The following VAT1L variants were observed in gnomAD, a reference collection of about 807,000 sequenced individuals.
VAT1L encodes the protein vesicle amine transport 1 like, also known as putative NADPH-dependent quinone oxidoreductase VAT1L.
A neutral mutation model predicts 44.1 loss-of-function variants in VAT1L; 34 were observed. That is an observed-to-expected ratio of 0.77 (90% CI 0.59 to 1.03). The LOEUF (loss-of-function observed/expected upper bound fraction) is 1.03, where lower values mean the gene tolerates loss of function less well. Ranked by LOEUF, VAT1L falls within the 50% of genes least tolerant of loss-of-function variation. The pLI, the probability that VAT1L is intolerant of heterozygous loss-of-function variation, is 0.00. For missense variants in VAT1L, 615 were observed against 538.8 expected (o/e 1.14, Z -1.40); for synonymous variants, 253 against 202.2 (o/e 1.25, Z -2.13).
At chr16:77,856,973 ATACT>A (rs1197850527) in intron 3 of VAT1L, among the ~76,000 whole-genome samples, 3 of 152,190 alleles carry the variant, frequency 2.0e-5, no homozygotes, top group African/African-American at 7.2e-5. Context: ...GAAGACACAA[ATACT>A]TACACTAAAG....
chr16:77,933,685 T>A (rs2017758556), intron 7 of VAT1L, among the ~76,000 whole-genome samples: 1 of 152,174 alleles, frequency 6.6e-6, no homozygotes, highest in African/African-American at 2.4e-5. Flanking sequence ...AGGAGAGGTC[T>A]TAAGCAGAGC....
intron 7 of VAT1L, among the ~76,000 whole-genome samples, chr16:77,936,153 C>G (rs1303980041): frequency 6.6e-6 from 1 of 152,144 alleles, no homozygotes; most frequent in Admixed American, 6.5e-5. Flanking sequence ...GGGGAAAGAC[C>G]TGGTAGGTAC....
intron 7 of VAT1L, among the ~76,000 whole-genome samples, chr16:77,891,781 A>T (rs2017267886): frequency 6.6e-6 from 1 of 152,102 alleles, no homozygotes; most frequent in African/African-American, 2.4e-5. Context: ...GTAACTTGAT[A>T]AAAAGATTAG....
intron 7 of VAT1L, among the ~76,000 whole-genome samples, chr16:77,942,756 T>C (rs1313824544): frequency 6.6e-6 from 1 of 152,066 alleles, no homozygotes; most frequent in Non-Finnish European, 1.5e-5. Flanking sequence ...TTTGTCTTTG[T>C]TTTTTTGAGA....
chr16:77,840,675 T>C (rs1416130732), intron 3 of VAT1L, among the ~76,000 whole-genome samples: 1 of 152,164 alleles, frequency 6.6e-6, no homozygotes, highest in African/African-American at 2.4e-5. Context: ...GTGATGAATA[T>C]GTTTACTCCC....
intron 7 of VAT1L, among the ~76,000 whole-genome samples, chr16:77,931,659 G>T (rs1397222175): frequency 6.6e-6 from 1 of 152,144 alleles, no homozygotes; most frequent in Non-Finnish European, 1.5e-5. Context: ...ATGGATTGTT[G>T]TACAGTGGAA....
intron 1 of VAT1L, among the ~76,000 whole-genome samples, chr16:77,793,813 T>C (rs952931055): frequency 1.1e-4 from 16 of 152,038 alleles, no homozygotes; most frequent in African/African-American, 3.6e-4. Flanking sequence ...AGCTACCAGA[T>C]TGGTGGAATT....
intron 7 of VAT1L, among the ~76,000 whole-genome samples, chr16:77,903,203 C>T (rs1041463589): frequency 2.6e-5 from 4 of 152,126 alleles, no homozygotes; most frequent in Non-Finnish European, 5.9e-5. Flanking sequence ...GGAGTTTTCT[C>T]ACCTGTAAAT....
chr16:77,840,541 T>C (rs2016693747), intron 3 of VAT1L, among the ~76,000 whole-genome samples: 1 of 152,228 alleles, frequency 6.6e-6, no homozygotes, highest in Non-Finnish European at 1.5e-5. Context: ...TTTTTTATTT[T>C]GTATCCATAA....
chr16:77,859,990 CTCA>C (rs1470638965), intron 3 of VAT1L, among the ~76,000 whole-genome samples: 1 of 152,098 alleles, frequency 6.6e-6, no homozygotes, highest in Non-Finnish European at 1.5e-5. Flanking sequence ...GGAGTGGGCC[CTCA>C]TCCAATATGG....
At chr16:77,878,988 G>C (rs913220843) in intron 5 of VAT1L, among the ~76,000 whole-genome samples, 181 bp from the exon 6 acceptor site, 8 of 152,212 alleles carry the variant, frequency 5.3e-5, no homozygotes, top group East Asian at 1.9e-4. Context: ...ATCAGGGACA[G>C]TCAGCTAACA....
chr16:77,932,307 G>T (rs537041370), intron 7 of VAT1L, among the ~76,000 whole-genome samples: 1 of 151,812 alleles, frequency 6.6e-6, no homozygotes, highest in Non-Finnish European at 1.5e-5. Flanking sequence ...GGGTTTCACC[G>T]TGTTAGCCAG....
chr16:77,812,554 C>A (rs754315548), intron 1 of VAT1L, among the ~76,000 whole-genome samples: 1 of 152,148 alleles, frequency 6.6e-6, no homozygotes, highest in African/African-American at 2.4e-5. Flanking sequence ...TTATCTGAGG[C>A]TCAATGTTCA....
intron 7 of VAT1L, among the ~76,000 whole-genome samples, chr16:77,937,565 G>C (rs886374056): frequency 6.6e-6 from 1 of 152,238 alleles, no homozygotes; most frequent in African/African-American, 2.4e-5. Flanking sequence ...ATAGTTAGAA[G>C]AGAAGTGATT....
chr16:77,925,253 C>T (rs1288151569), intron 7 of VAT1L, among the ~76,000 whole-genome samples: 2 of 152,086 alleles, frequency 1.3e-5, no homozygotes, highest in Admixed American at 6.5e-5. Flanking sequence ...TTAAATTTTA[C>T]ACCCCCTGGT....
chr16:77,976,894 G>C (rs2018346647), intron 8 of VAT1L, among the ~76,000 whole-genome samples: 2 of 152,144 alleles, frequency 1.3e-5, no homozygotes, highest in South Asian at 4.2e-4. Context: ...TATTCCAGTT[G>C]GGGGAAGAGA....
At chr16:77,977,124 T>G (rs1206566895) in intron 8 of VAT1L, among the ~76,000 whole-genome samples, 1 of 152,106 alleles carries the variant, frequency 6.6e-6, no homozygotes, top group Non-Finnish European at 1.5e-5. Context: ...AGAGCATGCT[T>G]GAGTTTTGCA....
intron 7 of VAT1L, among the ~76,000 whole-genome samples, chr16:77,899,055 T>C (rs1040207287): frequency 2.0e-4 from 31 of 152,204 alleles, no homozygotes; most frequent in African/African-American, 7.5e-4. Context: ...GGCTACAGTG[T>C]GATATCTGCC....
intron 7 of VAT1L, among the ~76,000 whole-genome samples, chr16:77,927,877 TATAA>T (rs925295499): frequency 6.6e-6 from 1 of 152,086 alleles, no homozygotes; most frequent in Admixed American, 6.6e-5. Context: ...AATAAATAAA[TATAA>T]ATAAATAAAT....
Sources: allele counts gnomAD v4.1 joint callset (sites outside exome capture counted in the v4.1 genomes callset), GRCh38; gene constraint gnomAD v4.1.1; transcripts MANE v1.5; gene names NCBI Gene and HGNC (gene_info 2026-07-23, HGNC 2026-07-21).